Variants in ZMYM2 observed in about 807,000 individuals in gnomAD.
ZMYM2 encodes zinc finger MYM-type protein 2.
A neutral mutation model predicts 162.8 loss-of-function variants in ZMYM2; 56 were observed. That is an observed-to-expected ratio of 0.34 (90% CI 0.28 to 0.43). The LOEUF (loss-of-function observed/expected upper bound fraction) is 0.43. Among genes scored for constraint, ZMYM2 ranks in the 20% least tolerant of loss-of-function variants. The pLI is 1.00. For missense variants in ZMYM2, 1,275 were observed against 1,621.8 expected, an observed-to-expected ratio of 0.79 and a Z score of 3.67; for synonymous variants, 510 against 541.6, an observed-to-expected ratio of 0.94 and a Z score of 0.81.
chr13:19,983,236 C>G (rs999247639), intron 2 of ZMYM2, among the ~76,000 whole-genome samples: 1 of 151,842 alleles, frequency 6.6e-6, no homozygotes, highest in Admixed American at 6.6e-5. Flanking sequence ...CCTTTGCCTC[C>G]CACATTCAAG....
the ZMYM2 span, among the ~76,000 whole-genome samples, chr13:19,904,701 G>A: frequency 1.3e-5 from 2 of 152,018 alleles, no homozygotes; most frequent in African/African-American, 2.4e-5. Context: ...ACAAACATCT[G>A]GATATCTCTC....
the ZMYM2 span, among the ~76,000 whole-genome samples, chr13:19,887,487 C>A: frequency 6.6e-6 from 1 of 151,146 alleles, no homozygotes; most frequent in Non-Finnish European, 1.5e-5. Context: ...CGAGATAGTG[C>A]CACTGCACTC....
intron 21 of ZMYM2, among the ~76,000 whole-genome samples, chr13:20,071,619 C>G (rs1277812302): frequency 1.3e-5 from 2 of 152,348 alleles, no homozygotes; most frequent in Admixed American, 6.5e-5. Flanking sequence ...AGGGCACTCT[C>G]TCTTTCCACC....
At chr13:19,923,572 T>G in the ZMYM2 span, among the ~76,000 whole-genome samples, 1 of 150,496 alleles carries the variant, frequency 6.6e-6, no homozygotes, top group African/African-American at 2.4e-5. Context: ...TCACCCAGCC[T>G]GGTCTCAAAT....
At chr13:19,884,140 G>A in the ZMYM2 span, among the ~76,000 whole-genome samples, 1 of 152,172 alleles carries the variant, frequency 6.6e-6, no homozygotes, top group Non-Finnish European at 1.5e-5. Context: ...GAAGGCTGAG[G>A]CAGGATTGCT....
At chr13:20,039,849 GTT>G (rs1954080463) in intron 12 of ZMYM2, among the ~76,000 whole-genome samples, 2 of 152,128 alleles carry the variant, frequency 1.3e-5, no homozygotes, top group South Asian at 4.1e-4. Flanking sequence ...TAATCATGTG[GTT>G]TTTGTCTTTA....
At chr13:19,873,927 T>TA in the ZMYM2 span, among the ~76,000 whole-genome samples, 1 of 152,134 alleles carries the variant, frequency 6.6e-6, no homozygotes, top group Non-Finnish European at 1.5e-5. Context: ...ACTTGGTTGT[T>TA]ATATAGACCA....
the ZMYM2 span, among the ~76,000 whole-genome samples, chr13:19,906,300 A>G: frequency 8.4e-6 from 1 of 119,308 alleles, no homozygotes; most frequent in Non-Finnish European, 1.7e-5. Flanking sequence ...ATATATATAT[A>G]TATATATATA....
At chr13:19,915,187 C>G in the ZMYM2 span, among the ~76,000 whole-genome samples, 1 of 152,152 alleles carries the variant, frequency 6.6e-6, no homozygotes, top group African/African-American at 2.4e-5. Context: ...TGTCGAACTC[C>G]CGACCTCAGG....
chr13:19,892,565 G>C, the ZMYM2 span, among the ~76,000 whole-genome samples: 1 of 151,542 alleles, frequency 6.6e-6, no homozygotes, highest in Admixed American at 6.6e-5. Flanking sequence ...ATGAGCCACC[G>C]CGCCTGTCCC....
At chr13:19,981,184 A>C (rs914183084) in intron 2 of ZMYM2, among the ~76,000 whole-genome samples, 4 of 152,146 alleles carry the variant, frequency 2.6e-5, no homozygotes, top group South Asian at 2.1e-4. Flanking sequence ...AGGTGGGAGA[A>C]TCACTTGAGT....
chr13:19,985,935 C>A (rs1949096512), intron 2 of ZMYM2, among the ~76,000 whole-genome samples: 1 of 152,004 alleles, frequency 6.6e-6, no homozygotes, highest in Non-Finnish European at 1.5e-5. Context: ...CTATAAATCC[C>A]AGCTACTCAG....
the ZMYM2 span, among the ~76,000 whole-genome samples, chr13:19,885,986 TAC>T: frequency 5.0e-5 from 6 of 119,616 alleles, 3 homozygotes; most frequent in Non-Finnish European, 7.3e-5. Context: ...TATATGTATA[TAC>T]ACATATATAT....
chr13:19,872,545 A>G, the ZMYM2 span, among the ~76,000 whole-genome samples: 6 of 151,942 alleles, frequency 3.9e-5, no homozygotes, highest in Admixed American at 3.9e-4. Flanking sequence ...GTGAGACCCC[A>G]TCTCAAAAAT....
chr13:19,930,784 C>T, the ZMYM2 span, among the ~76,000 whole-genome samples: 1 of 151,550 alleles, frequency 6.6e-6, no homozygotes, highest in Non-Finnish European at 1.5e-5. Context: ...GGTGATCTGC[C>T]TGCCTCGGTT....
chr13:19,897,054 CAG>C, the ZMYM2 span, among the ~76,000 whole-genome samples: 2 of 142,190 alleles, frequency 1.4e-5, no homozygotes, highest in African/African-American at 5.4e-5. Flanking sequence ...GCCTGGGCAA[CAG>C]AGAGAGACTC....
chr13:20,032,595 CTGTCTT>C (rs1953274071), intron 10 of ZMYM2, among the ~76,000 whole-genome samples: 2 of 96,380 alleles, frequency 2.1e-5, no homozygotes, highest in African/African-American at 8.2e-5. Flanking sequence ...GATTTTTTTT[CTGTCTT>C]TTTTTTTTTT....
At chr13:19,907,686 C>T in the ZMYM2 span, among the ~76,000 whole-genome samples, 7 of 127,814 alleles carry the variant, frequency 5.5e-5, no homozygotes, top group South Asian at 7.9e-4. Flanking sequence ...TGCTTGAACC[C>T]GGGAATCGGA....
At chr13:19,967,238 G>A (rs549147309) in intron 2 of ZMYM2, among the ~76,000 whole-genome samples, 14 of 152,072 alleles carry the variant, frequency 9.2e-5, no homozygotes, top group African/African-American at 2.7e-4. Context: ...CCTTTTAGGG[G>A]GTATGTTTCC....
Sources: gnomAD v4.1 joint callset for allele counts (sites outside exome capture counted in the v4.1 genomes callset) on GRCh38, gnomAD v4.1.1 for gene constraint, MANE v1.5 for transcripts, NCBI Gene and HGNC (gene_info 2026-07-23, HGNC 2026-07-21) for gene names.